HDAC4: variants seen among roughly 807,000 people sequenced by gnomAD.
The protein encoded by HDAC4 is histone deacetylase 4.
HDAC4 carries 16 observed loss-of-function variants against 135.1 expected under a neutral mutation model. That is an observed-to-expected ratio of 0.12 (90% CI 0.08 to 0.18). HDAC4 has a LOEUF of 0.18. Among genes scored for constraint, HDAC4 ranks in the 10% least tolerant of loss-of-function variants. HDAC4 has a pLI of 1.00. For missense variants in HDAC4, 1,143 were observed against 1,511.8 expected (o/e 0.76, Z 4.05); for synonymous variants, 685 against 653.4 (o/e 1.05, Z -0.74).
intron 1 of HDAC4, among the ~76,000 whole-genome samples, chr2:239,386,594 G>A (rs896499177): frequency 1.3e-5 from 2 of 152,176 alleles, no homozygotes; most frequent in East Asian, 3.9e-4. Flanking sequence ...CAGACAAGCC[G>A]CCAGACCACG....
chr2:239,253,192 C>T (rs1212949125), intron 2 of HDAC4, among the ~76,000 whole-genome samples: 3 of 152,198 alleles, frequency 2.0e-5, no homozygotes, highest in Non-Finnish European at 2.9e-5. Flanking sequence ...ACTGCGTTAG[C>T]GTGGTAAAAA....
At chr2:239,081,213 A>G (rs763789973) in intron 21 of HDAC4, 21 bp from the exon 22 acceptor site, 1 of 1,599,674 alleles carries the variant, frequency 6.3e-7, no homozygotes, top group Non-Finnish European at 8.5e-7. Context: ...AAGGAGAGAA[A>G]CACACGTCAT....
At chr2:239,237,590 A>AAC (rs1234842178) in intron 2 of HDAC4, among the ~76,000 whole-genome samples, 4 of 152,054 alleles carry the variant, frequency 2.6e-5, no homozygotes, top group African/African-American at 7.2e-5. Flanking sequence ...AAAAAAAAAA[A>AAC]AACCCATTTT....
intron 20 of HDAC4, among the ~76,000 whole-genome samples, chr2:239,082,900 G>T (rs2035490682): frequency 2.0e-5 from 3 of 152,250 alleles, no homozygotes; most frequent in African/African-American, 7.2e-5. Context: ...GGATGGGCGG[G>T]CGAGGGGGTG....
intron 3 of HDAC4, among the ~76,000 whole-genome samples, chr2:239,202,674 T>C (rs7564777): frequency 0.9 from 137,425 of 152,134 alleles, 62,204 homozygotes; most frequent in South Asian, 0.97. Context: ...GGCAGGGCCA[T>C]GCAACATGGA....
At chr2:239,148,645 C>T (rs1451956204) in intron 7 of HDAC4, among the ~76,000 whole-genome samples, 3 of 152,238 alleles carry the variant, frequency 2.0e-5, no homozygotes, top group African/African-American at 7.2e-5. Context: ...AAGTGATTTA[C>T]CAGCAAATGA....
chr2:239,106,565 G>T (rs923008838), intron 15 of HDAC4, among the ~76,000 whole-genome samples: 3 of 152,188 alleles, frequency 2.0e-5, no homozygotes, highest in Admixed American at 2.0e-4. Flanking sequence ...CTCTACAGTG[G>T]CTCCTCCCCG....
chr2:239,161,434 T>C (rs952839741), intron 6 of HDAC4, among the ~76,000 whole-genome samples: 8 of 152,162 alleles, frequency 5.3e-5, no homozygotes, highest in Non-Finnish European at 1.2e-4. Context: ...GCGTCTAGGC[T>C]CAGGTCTATG....
intron 7 of HDAC4, among the ~76,000 whole-genome samples, chr2:239,147,450 A>T (rs1187769738): frequency 2.0e-5 from 3 of 152,270 alleles, no homozygotes; most frequent in Non-Finnish European, 4.4e-5. Context: ...AAGGCAGCCA[A>T]AGTGGAAGAT....
In HDAC4 at chr2:239,400,439, G is replaced by GCGCCCC. The variant is rs1696890425; in HGVS notation, c.-220+533_-220+538dup. 1 of 145,710 alleles carries GCGCCCC rather than the reference G, an allele frequency of 6.9e-6. No homozygotes were observed. The highest frequency in any genetic ancestry group is 6.8e-5 in the Admixed American group (1 of 14,696). 9.0% of individuals were successfully genotyped at this position (145,710 alleles called of 1,614,324 possible). ...GCCGCTGCCTGCCGTGCCCACCCCC[G>GCGCCCC]CGCCCCCGCCCCGGCGGGCGAAGCC... On this transcript the variant is annotated intron_variant, in intron 1 of 26. Transcript: ENST00000543185. The surrounding 1 kb of genome is among the most constrained non-coding windows in gnomAD (Gnocchi z 4.7).
In HDAC4 at chr2:239,084,269, C is replaced by T. The variant is rs777169168; in HGVS notation, c.2445-27G>A. On this transcript the variant is annotated intron_variant, in intron 19 of 26. Coordinates refer to ENST00000543185, the MANE Select transcript of HDAC4 (RefSeq NM_001378414.1). The stretch of plus-strand genomic sequence containing the variant: ...TGCGGGAGAGAACTGACGCTGGAGA[C>T]GAAGCGCAGGTGGGCGGTGGCCAGT... 33 of 1,562,402 alleles carry T rather than the reference C, an allele frequency of 2.1e-5. No homozygotes were observed. The South Asian group carries it at 2.2e-4, about 10-fold the overall frequency.
At chr2:239,104,635 C>A (rs1267716781) in intron 15 of HDAC4, among the ~76,000 whole-genome samples, 1 of 152,238 alleles carries the variant, frequency 6.6e-6, no homozygotes, top group Non-Finnish European at 1.5e-5. Flanking sequence ...CTAGGCAGCC[C>A]ACGCTTGGGA....
rs189608845 is a variant in HDAC4, at chr2:239,388,674, C to T, written c.-220+12304G>A. On this transcript the variant is annotated intron_variant, in intron 1 of 26. Transcript: ENST00000543185. ...TGTGGGTTGGAGCCCCCACCCCGCC[C>T]CTTGGGGTCACTGGGCTGCAGCCGC... is the stretch of plus-strand genomic sequence containing the variant. 6.6e-5 allele frequency among the ~76,000 whole-genome samples: 10 copies of T among 152,330 alleles called. No individual in the cohort carries two copies. The East Asian group carries it at 1.7e-3, about 26-fold the overall frequency.
At chr2:239,147,941 A>G (rs904780568) in intron 7 of HDAC4, among the ~76,000 whole-genome samples, 2 of 152,230 alleles carry the variant, frequency 1.3e-5, no homozygotes, top group Admixed American at 6.5e-5. Flanking sequence ...CCTGAGAGTC[A>G]GCTGCAGGTG....
At chr2:239,140,560 G>A (rs975892481) in intron 8 of HDAC4, among the ~76,000 whole-genome samples, 1 of 152,150 alleles carries the variant, frequency 6.6e-6, no homozygotes, top group African/African-American at 2.4e-5. Flanking sequence ...TTAGTTTAAC[G>A]GCATTTTAAC....
At chr2:239,239,825 G>A (rs368476223) in intron 2 of HDAC4, among the ~76,000 whole-genome samples, 3 of 152,198 alleles carry the variant, frequency 2.0e-5, no homozygotes, top group Non-Finnish European at 2.9e-5. Context: ...CCTGCCTCTC[G>A]CGGAACAGGG....
In HDAC4 at chr2:239,080,003, T is replaced by C. The variant is rs2035148061; in HGVS notation, c.2750+1092A>G. ...ACACCTGCAGACATGCACATGGCTG[T>C]AGACACCTGCACAAGCACTGAGAGA... On this transcript the variant is annotated intron_variant, in intron 22 of 26. Transcript: ENST00000543185. 2.0e-5 allele frequency among the ~76,000 whole-genome samples: 3 copies of C among 148,936 alleles called. No homozygotes were observed. The South Asian group carries it at 6.2e-4, about 31-fold the overall frequency.
chr2:239,109,174 C>T (rs2038439716), intron 14 of HDAC4, among the ~76,000 whole-genome samples: 1 of 152,228 alleles, frequency 6.6e-6, no homozygotes, highest in Non-Finnish European at 1.5e-5. Flanking sequence ...GCTGCACACA[C>T]CTGGTCTTCC....
chr2:239,148,347 C>T (rs189436707), intron 7 of HDAC4, among the ~76,000 whole-genome samples: 8 of 152,200 alleles, frequency 5.3e-5, no homozygotes, highest in South Asian at 2.1e-4. Flanking sequence ...GTGCAAAGGT[C>T]GTACAACAAA....
Sources: allele counts gnomAD v4.1 joint callset (sites outside exome capture counted in the v4.1 genomes callset), GRCh38; gene constraint gnomAD v4.1.1; non-coding constraint Gnocchi (gnomAD v3.1); transcripts MANE v1.5; gene names NCBI Gene and HGNC (gene_info 2026-07-23, HGNC 2026-07-21).